Variants in KCNIP4 observed in about 807,000 individuals in gnomAD.
KCNIP4 encodes Kv channel-interacting protein 4.
Under a neutral mutation model 34.0 loss-of-function variants are expected in KCNIP4, and 12 were observed. The ratio of observed to expected loss-of-function variants is 0.35; its 90% CI spans 0.23 to 0.57. KCNIP4 has a LOEUF of 0.57. KCNIP4 is among the 20% of genes least tolerant of loss of function. The probability of loss-of-function intolerance (pLI) is 0.83; values close to 1 mark genes in which losing one functional copy is unlikely to be tolerated. For missense variants in KCNIP4, 238 were observed against 311.7 expected (o/e 0.76, Z 1.78); for synonymous variants, 124 against 102.2 (o/e 1.21, Z -1.29).
At chr4:21,605,974 G>T (rs3913663) in intron 1 of KCNIP4, among the ~76,000 whole-genome samples, 104,369 of 151,932 alleles carry the variant, frequency 0.69, 36,298 homozygotes, top group East Asian at 0.89. Context: ...GTGGCCAATA[G>T]GTTTCCTTCC....
In KCNIP4 at chr4:21,455,808, CATATATATATATATATATATATATAT is replaced by C. The variant is rs1171436191; in HGVS notation, c.61+492737_61+492762del. ...TTAATGTGATAGTCTTACAGATATT[CATATATATATATATATATATATATAT>C]ATATATATATATATATATATATGGA... is the stretch of plus-strand genomic sequence containing the variant. On this transcript the variant is annotated intron_variant, in intron 1 of 8. Coordinates refer to ENST00000382152, the MANE Select transcript of KCNIP4 (RefSeq NM_025221.6). Among the ~76,000 whole-genome samples the C allele has an allele frequency of 1.8e-3, 126 of 71,908 alleles. 7 individuals carry two copies. The South Asian group carries it at 0.034, about 19-fold the overall frequency. 47.2% of individuals were successfully genotyped at this position (71,908 alleles called of 152,430 possible).
intron 1 of KCNIP4, among the ~76,000 whole-genome samples, chr4:21,048,293 T>C (rs887950588): frequency 9.9e-5 from 15 of 152,122 alleles, no homozygotes; most frequent in African/African-American, 3.6e-4. Context: ...ATCTGGAACA[T>C]GTAAACTCTA....
intron 1 of KCNIP4, among the ~76,000 whole-genome samples, chr4:21,593,055 C>T (rs1481646601): frequency 6.6e-6 from 1 of 151,772 alleles, no homozygotes; most frequent in Non-Finnish European, 1.5e-5. Flanking sequence ...ACTCCTTGGA[C>T]TCCTTCTAAA....
chr4:21,128,085 GA>G (rs972543427), intron 1 of KCNIP4, among the ~76,000 whole-genome samples: 20 of 152,304 alleles, frequency 1.3e-4, no homozygotes, highest in African/African-American at 4.3e-4. Context: ...TCAAGTGCTT[GA>G]CTTAATAAGC....
intron 1 of KCNIP4, among the ~76,000 whole-genome samples, chr4:21,832,269 T>C (rs547515295): frequency 1.3e-5 from 2 of 152,278 alleles, no homozygotes; most frequent in Admixed American, 1.3e-4. Context: ...ACAGCTAATA[T>C]TATACTCAAC....
At chr4:21,785,610 T>TAAATAAATAAATAAATAAATAAAAA (rs1553931494) in intron 1 of KCNIP4, among the ~76,000 whole-genome samples, 9 of 147,658 alleles carry the variant, frequency 6.1e-5, no homozygotes, top group African/African-American at 2.1e-4. Context: ...AATAAATAAA[T>TAAATAAATAAATAAATAAATAAAAA]AAATAAAATA....
chr4:21,419,961 G>A (rs772106852), intron 1 of KCNIP4, among the ~76,000 whole-genome samples: 95 of 152,072 alleles, frequency 6.2e-4, no homozygotes, highest in Non-Finnish European at 1.0e-3. Context: ...TCATTCCAAC[G>A]TCAAAAATAA....
intron 1 of KCNIP4, among the ~76,000 whole-genome samples, chr4:21,761,004 A>C (rs557430658): frequency 1.3e-5 from 2 of 152,292 alleles, no homozygotes; most frequent in African/African-American, 4.8e-5. Context: ...AAATCTCATA[A>C]AATTAAATAA....
intron 1 of KCNIP4, among the ~76,000 whole-genome samples, chr4:21,750,739 T>C (rs556592447): frequency 6.6e-6 from 1 of 152,272 alleles, no homozygotes; most frequent in South Asian, 2.1e-4. Context: ...ACAAACTGTA[T>C]TTTCCAGGTG....
intron 1 of KCNIP4, among the ~76,000 whole-genome samples, chr4:21,019,540 C>T (rs1739860143): frequency 6.6e-6 from 1 of 152,124 alleles, no homozygotes. Flanking sequence ...GGAGTGAGGA[C>T]TTCAACATTT....
rs145305674 is a variant in KCNIP4 at position 21,878,650 on chromosome 4, G to A, written c.61+69921C>T. ...AGCAAATTTACTACTTTAAAGCTTA[G>A]GTCACCCTTAGGGCAATTTCTATAT... On this transcript the variant is annotated intron_variant, in intron 1 of 8. Transcript: ENST00000382152. Among the ~76,000 whole-genome samples the A allele has an allele frequency of 5.4e-3, 828 of 152,194 alleles. 5 individuals carry two copies. Among genetic ancestry groups the A allele is most frequent in the African/African-American group, 0.018 (766 of 41,522 alleles).
chr4:21,911,682 C>A (rs1728343483), intron 1 of KCNIP4, among the ~76,000 whole-genome samples: 1 of 150,074 alleles, frequency 6.7e-6, no homozygotes, highest in Non-Finnish European at 1.5e-5. Flanking sequence ...GATGTACCTG[C>A]TAGACCCCTG....
intron 1 of KCNIP4, among the ~76,000 whole-genome samples, chr4:21,128,696 A>T (rs1422109161): frequency 6.6e-6 from 1 of 152,216 alleles, no homozygotes; most frequent in Admixed American, 6.5e-5. Context: ...AAAGATTCTC[A>T]TTTGCAACAT....
intron 3 of KCNIP4, among the ~76,000 whole-genome samples, chr4:20,831,630 G>T (rs1197025228): frequency 6.6e-6 from 1 of 152,058 alleles, no homozygotes; most frequent in Non-Finnish European, 1.5e-5. Flanking sequence ...TGCCTTCATT[G>T]TTTTCAATAA....
intron 1 of KCNIP4, among the ~76,000 whole-genome samples, chr4:21,398,913 A>G (rs1256379975): frequency 6.6e-6 from 1 of 152,240 alleles, no homozygotes; most frequent in East Asian, 1.9e-4. Context: ...AATTAAAGCA[A>G]GTTGACTGGG....
At chr4:21,107,541 G>C (rs949984149) in intron 1 of KCNIP4, among the ~76,000 whole-genome samples, 2 of 149,736 alleles carry the variant, frequency 1.3e-5, no homozygotes, top group Admixed American at 1.3e-4. Flanking sequence ...GATGGGTCTT[G>C]ACTCTTTATC....
intron 1 of KCNIP4, among the ~76,000 whole-genome samples, chr4:21,503,664 C>T (rs942023370): frequency 6.6e-6 from 1 of 152,082 alleles, no homozygotes; most frequent in Non-Finnish European, 1.5e-5. Flanking sequence ...CACCCTGCTA[C>T]TTTTTAAATC....
At chr4:21,836,969 A>G (rs1283287037) in intron 1 of KCNIP4, among the ~76,000 whole-genome samples, 2 of 140,012 alleles carry the variant, frequency 1.4e-5, no homozygotes, top group Non-Finnish European at 1.5e-5. Flanking sequence ...CTAGGCTGGA[A>G]TGCAGTGGCA....
chr4:21,432,277 G>A (rs1195392285), intron 1 of KCNIP4, among the ~76,000 whole-genome samples: 1 of 150,496 alleles, frequency 6.6e-6, no homozygotes, highest in Admixed American at 6.6e-5. Context: ...TTAGGTTCAA[G>A]TTGCTCAATG....
Sources: allele counts gnomAD v4.1 joint callset (sites outside exome capture counted in the v4.1 genomes callset), GRCh38; gene constraint gnomAD v4.1.1; transcripts MANE v1.5; gene names NCBI Gene and HGNC (gene_info 2026-07-23, HGNC 2026-07-21).